The following ERO1A variants were observed in gnomAD, a reference collection of about 807,000 sequenced individuals.
ERO1A encodes endoplasmic reticulum oxidoreductase 1 alpha, also known as ERO1-like protein alpha.
In ERO1A, 49 loss-of-function variants were observed where a neutral mutation model predicts 76.9. The observed-to-expected ratio is 0.64, with a 90% CI of 0.51 to 0.81. The LOEUF is 0.81. ERO1A is among the 30% of genes least tolerant of loss of function. The probability of loss-of-function intolerance (pLI) is 0.00; values close to 1 mark genes in which losing one functional copy is unlikely to be tolerated. For missense variants in ERO1A, 448 were observed against 542.1 expected (o/e 0.83, Z 1.72); for synonymous variants, 174 against 181.2 (o/e 0.96, Z 0.32).
intron 12 of ERO1A, 56 bp downstream of exon 12, chr14:52,653,013 C>CT (rs1273187208): frequency 2.3e-6 from 3 of 1,289,858 alleles, no homozygotes; most frequent in East Asian, 5.1e-5. Context: ...AAAAATTTAT[C>CT]TTGTACATTA....
At chr14:52,661,930 A>G (rs1042929238) in intron 8 of ERO1A, among the ~76,000 whole-genome samples, 2 of 152,028 alleles carry the variant, frequency 1.3e-5, no homozygotes, top group African/African-American at 4.8e-5. Context: ...TAAAAAAAAG[A>G]CAAAATAAAA....
At chr14:52,694,753 C>T (rs2041490002) in intron 1 of ERO1A, among the ~76,000 whole-genome samples, 1 of 152,128 alleles carries the variant, frequency 6.6e-6, no homozygotes, top group Non-Finnish European at 1.5e-5. Context: ...CCTCCCAATT[C>T]GTACCAGCTT....
chr14:52,661,398 G>T, intron 8 of ERO1A, 94 bp from the exon 9 acceptor site: 1 of 976,294 alleles, frequency 1.0e-6, no homozygotes, highest in Non-Finnish European at 1.4e-6. Flanking sequence ...TTTAATAATG[G>T]TTAGTTTTAG....
intron 15 of ERO1A, among the ~76,000 whole-genome samples, chr14:52,644,944 G>A (rs1414752045): frequency 1.3e-5 from 2 of 152,020 alleles, no homozygotes; most frequent in African/African-American, 4.8e-5. Flanking sequence ...AGGAAATGTA[G>A]TCCTTTAAAA....
chr14:52,654,608 T>C (rs2039982331), intron 11 of ERO1A, among the ~76,000 whole-genome samples: 1 of 152,180 alleles, frequency 6.6e-6, no homozygotes, highest in Non-Finnish European at 1.5e-5. Context: ...TAAATATTCC[T>C]GCTACAGTTA....
intron 1 of ERO1A, among the ~76,000 whole-genome samples, chr14:52,689,621 T>TA (rs879567938): frequency 1.3e-5 from 2 of 151,936 alleles, no homozygotes; most frequent in African/African-American, 4.8e-5. Context: ...AAGCAGTGAT[T>TA]AAAAAAACTG....
intron 13 of ERO1A, chr14:52,646,772 C>T (rs1054224897): frequency 2.6e-5 from 6 of 230,746 alleles, no homozygotes; most frequent in African/African-American, 1.1e-4. Context: ...GAAACCAGGC[C>T]TGTCTGACTC....
intron 1 of ERO1A, among the ~76,000 whole-genome samples, chr14:52,685,343 T>C (rs1413824674): frequency 6.6e-6 from 1 of 152,230 alleles, no homozygotes; most frequent in Non-Finnish European, 1.5e-5. Flanking sequence ...AATAACTATT[T>C]TCATTTCATA....
At chr14:52,649,566 A>T (rs2039781610) in intron 13 of ERO1A, among the ~76,000 whole-genome samples, 1 of 152,156 alleles carries the variant, frequency 6.6e-6, no homozygotes, top group Non-Finnish European at 1.5e-5. Flanking sequence ...GATCAAATTA[A>T]AACATTGTGA....
intron 2 of ERO1A, 59 bp downstream of exon 2, chr14:52,683,729 A>T: frequency 1.3e-6 from 1 of 771,256 alleles, no homozygotes; most frequent in Non-Finnish European, 1.9e-6. Flanking sequence ...AGTAATTCTT[A>T]AGAAAATCTA....
intron 1 of ERO1A, among the ~76,000 whole-genome samples, chr14:52,691,047 G>A (rs991344925): frequency 3.3e-5 from 5 of 152,128 alleles, no homozygotes; most frequent in African/African-American, 7.2e-5. Flanking sequence ...AATTACAGGC[G>A]TAAGCCACCA....
At chr14:52,678,258 T>C (rs1429482237) in intron 4 of ERO1A, 176 bp downstream of exon 4, 1 of 448,692 alleles carries the variant, frequency 2.2e-6, no homozygotes, top group Non-Finnish European at 3.9e-6. Flanking sequence ...TAAAATAAAA[T>C]ACATAAAAAA....
chr14:52,678,326 G>C (rs1594832236), intron 4 of ERO1A, 108 bp downstream of exon 4: 1 of 741,214 alleles, frequency 1.3e-6, no homozygotes. Context: ...TACCTCTCAA[G>C]GGGTTTCACC....
intron 10 of ERO1A, 33 bp downstream of exon 10, chr14:52,658,091 A>G (rs1387459926): frequency 1.3e-6 from 2 of 1,500,654 alleles, no homozygotes; most frequent in Non-Finnish European, 1.8e-6. Flanking sequence ...GAAAAAAACC[A>G]TCATTGAAAT....
chr14:52,658,391 C>A, intron 9 of ERO1A: 1 of 410,124 alleles, frequency 2.4e-6, no homozygotes, highest in Non-Finnish European at 4.4e-6. Flanking sequence ...TTGACCCAGT[C>A]TCATAACGTT....
intron 9 of ERO1A, among the ~76,000 whole-genome samples, chr14:52,659,834 A>T (rs1054138573): frequency 6.0e-4 from 63 of 104,714 alleles, no homozygotes; most frequent in African/African-American, 1.7e-3. Context: ...TGTCCTTTTT[A>T]AAAAAAAAAA....
At chr14:52,691,195 A>C (rs749653968) in intron 1 of ERO1A, among the ~76,000 whole-genome samples, 5 of 152,190 alleles carry the variant, frequency 3.3e-5, no homozygotes, top group African/African-American at 7.2e-5. Flanking sequence ...TATCACCATA[A>C]AAAAATAACA....
rs1313212149 is a variant in ERO1A, at chr14:52,645,956, A to T, written c.1346+198T>A. On this transcript the variant is annotated intron_variant, in intron 15 of 15. Transcript: ENST00000395686. The stretch of plus-strand genomic sequence containing the variant: ...GAGGCTAAGTTGGGAGAATCGCTTG[A>T]ACCCAGAAGGTGGAGGTCGCAGTGA... Among the ~76,000 whole-genome samples, 6 of 152,238 alleles carry T rather than the reference A, an allele frequency of 3.9e-5. No homozygotes were observed. The East Asian group carries it at 5.8e-4, about 15-fold the overall frequency.
At chr14:52,652,160 A>T in intron 13 of ERO1A, 79 bp downstream of exon 13, 1 of 890,954 alleles carries the variant, frequency 1.1e-6, no homozygotes, top group South Asian at 1.6e-5. Flanking sequence ...CCTACTCTCT[A>T]CTTCTATGAG....
Sources: allele counts gnomAD v4.1 joint callset (sites outside exome capture counted in the v4.1 genomes callset), GRCh38; gene constraint gnomAD v4.1.1; transcripts MANE v1.5; gene names NCBI Gene and HGNC (gene_info 2026-07-23, HGNC 2026-07-21).